The following DNAH7 variants were observed in gnomAD, a reference collection of about 807,000 sequenced individuals.
DNAH7 encodes the protein axonemal beta dynein heavy chain 7.
DNAH7 carries 397 observed loss-of-function variants against 444.6 expected under a neutral mutation model. That is an observed-to-expected ratio of 0.89 (90% CI 0.82 to 0.97). The LOEUF is 0.97. Ranked by LOEUF, DNAH7 falls within the 50% of genes least tolerant of loss-of-function variation. The pLI is 0.00. For missense variants in DNAH7, 4,902 were observed against 4,800.8 expected, an observed-to-expected ratio of 1.02 and a Z score of -0.62; for synonymous variants, 1,636 against 1,624.4, an observed-to-expected ratio of 1.01 and a Z score of -0.17.
intron 5 of DNAH7, among the ~76,000 whole-genome samples, chr2:196,043,512 T>A (rs563505270): frequency 2.0e-5 from 3 of 152,232 alleles, no homozygotes; most frequent in Admixed American, 1.3e-4. Flanking sequence ...GGCAAAGAGT[T>A]CATGACCAAG....
intron 54 of DNAH7, among the ~76,000 whole-genome samples, chr2:195,799,811 C>G (rs1696360891): frequency 6.6e-6 from 1 of 152,098 alleles, no homozygotes; most frequent in African/African-American, 2.4e-5. Context: ...ATTCACAACT[C>G]AAAAGTAGAA....
intron 61 of DNAH7, among the ~76,000 whole-genome samples, chr2:195,763,701 C>T (rs1694447222): frequency 6.6e-6 from 1 of 151,866 alleles, no homozygotes; most frequent in African/African-American, 2.4e-5. Context: ...ACTAAACAGA[C>T]CAATATCAAG....
At chr2:195,768,248 C>A (rs73058237) in intron 61 of DNAH7, among the ~76,000 whole-genome samples, 8,980 of 147,832 alleles carry the variant, frequency 0.061, 374 homozygotes, top group African/African-American at 0.12. Context: ...AAGCAGAGGG[C>A]AAATGATAAG....
intron 47 of DNAH7, among the ~76,000 whole-genome samples, chr2:195,835,795 G>C (rs1268530371): frequency 1.3e-5 from 2 of 152,164 alleles, no homozygotes; most frequent in African/African-American, 4.8e-5. Flanking sequence ...AGTGAGCCGA[G>C]ATTGCACCAC....
At chr2:196,064,349 AATAAAT>A (rs1174211144) in intron 1 of DNAH7, among the ~76,000 whole-genome samples, 11 of 942 alleles carry the variant, frequency 0.012, no homozygotes, top group Non-Finnish European at 0.029. Flanking sequence ...ATAAATAAAT[AATAAAT>A]AATAAATAAA....
At chr2:195,937,154 C>T (rs1431137553) in intron 19 of DNAH7, among the ~76,000 whole-genome samples, 1 of 152,036 alleles carries the variant, frequency 6.6e-6, no homozygotes, top group African/African-American at 2.4e-5. Flanking sequence ...GAAAAGAATT[C>T]TAAACAATAA....
At chr2:195,829,879 G>T (rs1183973848) in intron 48 of DNAH7, among the ~76,000 whole-genome samples, 1 of 151,670 alleles carries the variant, frequency 6.6e-6, no homozygotes, top group Non-Finnish European at 1.5e-5. Context: ...GTAGTGTCTT[G>T]ATTTCAAAGA....
chr2:196,037,943 ATAGT>A (rs941214692), intron 5 of DNAH7, among the ~76,000 whole-genome samples: 2 of 152,212 alleles, frequency 1.3e-5, no homozygotes, highest in African/African-American at 4.8e-5. Flanking sequence ...CACAACATAT[ATAGT>A]TAATCTGTCA....
At chr2:195,868,514 T>G (rs1700487285) in intron 40 of DNAH7, among the ~76,000 whole-genome samples, 1 of 151,678 alleles carries the variant, frequency 6.6e-6, no homozygotes, top group African/African-American at 2.4e-5. Context: ...TGGAGCGATG[T>G]CTTTGAATCC....
chr2:196,002,510 C>G (rs1353698178), intron 10 of DNAH7, among the ~76,000 whole-genome samples: 4 of 152,166 alleles, frequency 2.6e-5, no homozygotes, highest in Non-Finnish European at 4.4e-5. Flanking sequence ...TATAAAACCA[C>G]TCTCCAACAC....
At chr2:195,777,589 G>A (rs968069649) in intron 59 of DNAH7, among the ~76,000 whole-genome samples, 1 of 152,138 alleles carries the variant, frequency 6.6e-6, no homozygotes. Flanking sequence ...CGTGAGACAC[G>A]TTTCTGATAC....
In DNAH7 at chr2:196,037,335, C is replaced by T. The variant is rs138360682; in HGVS notation, c.399-9288G>A. ...GATATCAACATAAGGACAACAGAAA[C>T]ATGAAAAAAATCAAGGAAACACAAC... On this transcript the variant is annotated intron_variant, in intron 5 of 64. Coordinates refer to ENST00000312428, the MANE Select transcript of DNAH7 (RefSeq NM_018897.3). Among the ~76,000 whole-genome samples, 768 of 151,998 alleles carry T rather than the reference C, an allele frequency of 5.1e-3. 3 individuals are homozygous for T. Among genetic ancestry groups the T allele is most frequent in the Middle Eastern group, 0.017 (5 of 294 alleles).
At chr2:195,744,990 A>G (rs1693303353) in intron 63 of DNAH7, among the ~76,000 whole-genome samples, 1 of 152,254 alleles carries the variant, frequency 6.6e-6, no homozygotes, top group Admixed American at 6.5e-5. Context: ...CAGCAACGGA[A>G]CAGAGCTGGA....
intron 19 of DNAH7, among the ~76,000 whole-genome samples, chr2:195,953,267 G>A (rs1238747720): frequency 2.0e-5 from 3 of 152,160 alleles, no homozygotes; most frequent in Admixed American, 6.5e-5. Flanking sequence ...AGCAGAGGCT[G>A]CAGAACAGCA....
At chr2:195,903,240 TAAAA>T (rs60814201) in intron 27 of DNAH7, 1 of 149,650 alleles carries the variant, frequency 6.7e-6, no homozygotes, top group East Asian at 1.9e-4. Context: ...ATTGGTACAA[TAAAA>T]AAAAAATTAA....
At chr2:195,848,935 C>G (rs974644305) in intron 46 of DNAH7, among the ~76,000 whole-genome samples, 2 of 152,214 alleles carry the variant, frequency 1.3e-5, no homozygotes, top group East Asian at 1.9e-4. Context: ...ATGGTTAAGA[C>G]AGCACTTGTG....
At chr2:195,983,936 C>G (rs1298189997) in intron 15 of DNAH7, among the ~76,000 whole-genome samples, 1 of 152,180 alleles carries the variant, frequency 6.6e-6, no homozygotes, top group Non-Finnish European at 1.5e-5. Flanking sequence ...ATAATTGTTG[C>G]GTGTTCTCAA....
chr2:195,852,701 GAAGA>G (rs533449582), intron 46 of DNAH7, among the ~76,000 whole-genome samples: 1 of 152,126 alleles, frequency 6.6e-6, no homozygotes, highest in Non-Finnish European at 1.5e-5. Context: ...CCGCCAGGGA[GAAGA>G]AAGAGGCAGA....
intron 51 of DNAH7, among the ~76,000 whole-genome samples, chr2:195,810,815 TTAAAA>T (rs1225464688): frequency 2.6e-5 from 4 of 152,326 alleles, no homozygotes; most frequent in African/African-American, 9.6e-5. Context: ...CTTAGAAGAC[TTAAAA>T]TAAACATACT....
Sources: allele counts gnomAD v4.1 joint callset (sites outside exome capture counted in the v4.1 genomes callset), GRCh38; gene constraint gnomAD v4.1.1; transcripts MANE v1.5; gene names NCBI Gene and HGNC (gene_info 2026-07-23, HGNC 2026-07-21).